Variants in SPAG17 observed in about 807,000 individuals in gnomAD.
SPAG17 encodes the protein sperm associated antigen 17.
Under a neutral mutation model 273.6 loss-of-function variants are expected in SPAG17, and 169 were observed. The ratio of observed to expected loss-of-function variants is 0.62; its 90% CI spans 0.55 to 0.70. SPAG17 has a LOEUF of 0.70. Among genes scored for constraint, SPAG17 ranks in the 30% least tolerant of loss-of-function variants. The pLI, the probability that SPAG17 is intolerant of heterozygous loss-of-function variation, is 0.00. For missense variants in SPAG17, 2,557 were observed against 2,627.8 expected (o/e 0.97, Z 0.59); for synonymous variants, 825 against 873.2 (o/e 0.94, Z 0.97).
At chr1:118,083,132 T>G (rs1319016687) in intron 13 of SPAG17, among the ~76,000 whole-genome samples, 1 of 152,154 alleles carries the variant, frequency 6.6e-6, no homozygotes. Context: ...TAATTTTGTA[T>G]TTTTTGTAGA....
At chr1:118,008,336 G>T in intron 30 of SPAG17, 138 bp from the exon 31 acceptor site, 1 of 923,492 alleles carries the variant, frequency 1.1e-6, no homozygotes, top group Non-Finnish European at 1.6e-6. Context: ...TCTAGAGCAA[G>T]TACTGAGAAC....
At chr1:118,004,140 A>T (rs1300565131) in intron 32 of SPAG17, among the ~76,000 whole-genome samples, 6 of 152,200 alleles carry the variant, frequency 3.9e-5, no homozygotes, top group Non-Finnish European at 8.8e-5. Context: ...AGAACAACAA[A>T]TATTGCAGAA....
At chr1:117,983,962 A>C in intron 41 of SPAG17, 49 bp from the exon 42 acceptor site, 1 of 885,688 alleles carries the variant, frequency 1.1e-6, no homozygotes, top group Non-Finnish European at 1.8e-6. Flanking sequence ...GCTGAAATTC[A>C]ACTGTCGCAA....
At chr1:118,044,859 A>G (rs1650177911) in intron 20 of SPAG17, among the ~76,000 whole-genome samples, 1 of 152,168 alleles carries the variant, frequency 6.6e-6, no homozygotes, top group Non-Finnish European at 1.5e-5. Flanking sequence ...AAGTTTCCTG[A>G]GGCCTCTCCA....
intron 20 of SPAG17, among the ~76,000 whole-genome samples, chr1:118,045,381 G>A (rs149198842): frequency 6.8e-4 from 103 of 152,274 alleles, no homozygotes; most frequent in African/African-American, 2.2e-3. Flanking sequence ...CGAAACCTCC[G>A]TAAAAACCTC....
At chr1:118,078,480 A>AT (rs1338894764) in intron 15 of SPAG17, among the ~76,000 whole-genome samples, 4 of 152,016 alleles carry the variant, frequency 2.6e-5, no homozygotes, top group Non-Finnish European at 4.4e-5. Flanking sequence ...ATTAATTCTA[A>AT]TTTTTTTGTG....
In SPAG17 at chr1:117,992,558, G is replaced by T. The variant is rs761829321; in HGVS notation, c.5269C>A (p.Leu1757Ile). 1 of 1,613,768 alleles carries T rather than the reference G, an allele frequency of 6.2e-7. No homozygotes were observed. Among genetic ancestry groups the T allele is most frequent in the Non-Finnish European group, 8.5e-7 (1 of 1,179,854 alleles). Residue 1757 changes from leucine to isoleucine, a missense_variant, in exon 36 of 49, where the codon CTC becomes ATC. Transcript: ENST00000336338. ...ATCTGTAGCACACTGGGGCTCTTGA[G>T]TATGGCACCCGGGGCACTCACTAGC... Reference protein sequence around the residue: ...KQLVSAPGAILKSPSVLQMRQ... With the variant: ...KQLVSAPGAIIKSPSVLQMRQ...
Position 118,036,877 on chromosome 1 carries a change from G to A in SPAG17, c.3326C>T (p.Ser1109Leu). ...DEEQSLETEVSDAKNKAFSKF... is the reference protein window; with the variant it reads ...DEEQSLETEVLDAKNKAFSKF... Reference sequence around the variant, plus strand: ...GCTGAAAGCTTTATTCTTTGCATCTGATACTTCTAAAATACAAAATCGAAT... The same window carrying A: ...GCTGAAAGCTTTATTCTTTGCATCTAATACTTCTAAAATACAAAATCGAAT... The change falls in exon 24 of 49, where the codon TCA becomes TTA. Residue 1109 changes from serine (S) to leucine (L), a missense_variant. Transcript: ENST00000336338. 1 of 1,548,948 alleles carries A rather than the reference G, an allele frequency of 6.5e-7. No individual in the cohort carries two copies. Among genetic ancestry groups the A allele is most frequent in the South Asian group, 1.2e-5 (1 of 84,050 alleles).
intron 7 of SPAG17, among the ~76,000 whole-genome samples, chr1:118,096,653 G>A (rs897140686): frequency 5.9e-5 from 9 of 152,068 alleles, no homozygotes; most frequent in Admixed American, 2.6e-4. Context: ...TTGACCTTCC[G>A]TTTTGTTAAA....
intron 32 of SPAG17, among the ~76,000 whole-genome samples, chr1:118,002,842 TTA>T (rs1233800515): frequency 2.0e-5 from 3 of 152,230 alleles, no homozygotes. Flanking sequence ...GTTAATATTG[TTA>T]TGTGTGAATT....
chr1:118,161,576 C>T lies in SPAG17; in HGVS notation c.88-10207G>A, dbSNP rs570235817. The stretch of plus-strand genomic sequence containing the variant: ...TTTTTTAGACGTAGTCTCGCTCTGT[C>T]GCCCAGGCTGGAGTGCTGTGGCAGG... On this transcript the variant is annotated intron_variant, in intron 1 of 48. Transcript: ENST00000336338. 5.8e-4 allele frequency among the ~76,000 whole-genome samples: 88 copies of T among 152,108 alleles called. 1 individual carries two copies. Among genetic ancestry groups the T allele is most frequent in the African/African-American group, 2.0e-3 (84 of 41,472 alleles).
chr1:118,013,401 T>G (rs879306407), intron 29 of SPAG17, among the ~76,000 whole-genome samples: 7 of 152,148 alleles, frequency 4.6e-5, no homozygotes, highest in Non-Finnish European at 7.4e-5. Flanking sequence ...TTTAGGTTCT[T>G]ATCATTGGTG....
intron 28 of SPAG17, among the ~76,000 whole-genome samples, chr1:118,021,228 A>G (rs1660466384): frequency 6.6e-6 from 1 of 152,216 alleles, no homozygotes; most frequent in African/African-American, 2.4e-5. Context: ...GATAAAAAGA[A>G]ATGAGCTATC....
At position 117,971,984 on chromosome 1, in the gene SPAG17, CATT is replaced by C. The variant is rs1654612742; in HGVS notation, c.6202_6204del (p.Asn2068del). ...TGGAACCCAAAAAGGGATGACTTTG[CATT>C]ATTAATGGCAGCAGATGCAACAGAG... is the stretch of plus-strand genomic sequence containing the variant. On this transcript the variant is annotated inframe_deletion, in exon 45 of 49. Coordinates refer to ENST00000336338, the MANE Select transcript of SPAG17 (RefSeq NM_206996.4). 6.8e-6 allele frequency: 11 copies of C among 1,614,080 alleles called. No homozygotes were observed. Among genetic ancestry groups the C allele is most frequent in the Non-Finnish European group, 9.3e-6 (11 of 1,179,966 alleles).
chr1:118,027,278 A>G (rs898020997), intron 26 of SPAG17, among the ~76,000 whole-genome samples: 5 of 152,156 alleles, frequency 3.3e-5, no homozygotes, highest in African/African-American at 1.2e-4. Flanking sequence ...AATAATTCAG[A>G]ATGCCTAAGG....
Position 118,081,136 on chromosome 1 carries a change from C to CT in SPAG17, c.2173dup (p.Ser725LysfsTer10). On this transcript the variant is annotated frameshift_variant, in exon 15 of 49. Transcript: ENST00000336338. LOFTEE classifies it high-confidence loss of function. ...ATGTTGGGGCTGAGCCTTCATGATG[C>CT]TCTCCTGCTCTAACAGCTGTCTATT... is the stretch of plus-strand genomic sequence containing the variant. 6.2e-7 allele frequency: 1 copy of CT among 1,613,964 alleles called. No homozygotes were observed. The highest frequency in any genetic ancestry group is 1.3e-5 in the African/African-American group (1 of 75,002).
intron 13 of SPAG17, among the ~76,000 whole-genome samples, chr1:118,083,582 C>T (rs1253608181): frequency 3.3e-5 from 5 of 152,054 alleles, no homozygotes; most frequent in East Asian, 1.9e-4. Context: ...GTCAGGAGTT[C>T]GAGACCAGCC....
At chr1:118,018,639 C>G (rs1450143598) in intron 28 of SPAG17, among the ~76,000 whole-genome samples, 1 of 151,282 alleles carries the variant, frequency 6.6e-6, no homozygotes, top group African/African-American at 2.4e-5. Flanking sequence ...TTGAGACTAG[C>G]CTGGCCAACA....
chr1:118,088,533 G>A (rs1655153501), intron 10 of SPAG17, among the ~76,000 whole-genome samples: 1 of 152,058 alleles, frequency 6.6e-6, no homozygotes, highest in South Asian at 2.1e-4. Flanking sequence ...TAATTGGTTA[G>A]AAAACTAAGA....
Sources: gnomAD v4.1 joint callset for allele counts (sites outside exome capture counted in the v4.1 genomes callset) on GRCh38, gnomAD v4.1.1 for gene constraint, MANE v1.5 for transcripts, NCBI Gene and HGNC (gene_info 2026-07-23, HGNC 2026-07-21) for gene names.